The following CYRIA variants were observed in gnomAD, a reference collection of about 807,000 sequenced individuals.
The protein encoded by CYRIA is CYFIP-related Rac1 interactor A.
In CYRIA, 15 loss-of-function variants were observed where a neutral mutation model predicts 43.9. The observed-to-expected ratio is 0.34, with a 90% CI of 0.23 to 0.53. The LOEUF (loss-of-function observed/expected upper bound fraction) is 0.53, where lower values mean the gene tolerates loss of function less well. Ranked by LOEUF, CYRIA falls within the 20% of genes least tolerant of loss-of-function variation. The pLI, the probability that CYRIA is intolerant of heterozygous loss-of-function variation, is 0.94. For missense variants in CYRIA, 236 were observed against 394.2 expected, an observed-to-expected ratio of 0.60 and a Z score of 3.40; for synonymous variants, 117 against 136.0, an observed-to-expected ratio of 0.86 and a Z score of 0.97.
At position 16,629,465 on chromosome 2, in the gene CYRIA, T is replaced by C. The variant is rs190815512; in HGVS notation, c.-166-5446A>G. Among the ~76,000 whole-genome samples, 180 of 152,314 alleles carry C rather than the reference T, an allele frequency of 1.2e-3. 1 individual carries two copies. The highest frequency in any genetic ancestry group is 1.1e-3 in the Non-Finnish European group (77 of 68,014). ...TAACAAACTCTCCCATCAATACAGG[T>C]AAAGTGCAGAGCTAATGAGAAAGCA... On this transcript the variant is annotated intron_variant, in intron 1 of 11. Coordinates refer to ENST00000381323, the MANE Select transcript of CYRIA (RefSeq NM_030797.4).
At chr2:16,633,539 C>A (rs1669393538) in intron 1 of CYRIA, among the ~76,000 whole-genome samples, 1 of 140,562 alleles carries the variant, frequency 7.1e-6, no homozygotes, top group Non-Finnish European at 1.5e-5. Context: ...GTCACTATCC[C>A]TGGCTTTTTT....
intron 1 of CYRIA, among the ~76,000 whole-genome samples, chr2:16,653,610 G>GC (rs57031708): frequency 0.14 from 22,047 of 152,066 alleles, 2,708 homozygotes; most frequent in African/African-American, 0.32. Flanking sequence ...GGGTTAGGGA[G>GC]TTTGTGTGTT....
intron 1 of CYRIA, among the ~76,000 whole-genome samples, chr2:16,644,211 G>T (rs1669755471): frequency 6.6e-6 from 1 of 152,238 alleles, no homozygotes; most frequent in Non-Finnish European, 1.5e-5. Flanking sequence ...TGCAGTATTG[G>T]ATATGTAACA....
At chr2:16,569,731 A>G (rs1667063825) in intron 3 of CYRIA, among the ~76,000 whole-genome samples, 1 of 152,222 alleles carries the variant, frequency 6.6e-6, no homozygotes, top group African/African-American at 2.4e-5. Context: ...CTAAATCCCT[A>G]TGGAAGTCCA....
chr2:16,657,260 G>T (rs1245880806), intron 1 of CYRIA, among the ~76,000 whole-genome samples: 3 of 152,212 alleles, frequency 2.0e-5, no homozygotes, highest in Non-Finnish European at 4.4e-5. Context: ...ACTTCCCCAT[G>T]CTCACTCTTT....
intron 1 of CYRIA, among the ~76,000 whole-genome samples, chr2:16,630,137 C>T (rs1372056277): frequency 6.6e-6 from 1 of 152,170 alleles, no homozygotes; most frequent in Non-Finnish European, 1.5e-5. Context: ...TTCTACCAGC[C>T]CTCGCCCCAC....
intron 3 of CYRIA, among the ~76,000 whole-genome samples, chr2:16,574,858 G>A (rs1667276669): frequency 6.6e-6 from 1 of 152,210 alleles, no homozygotes; most frequent in Non-Finnish European, 1.5e-5. Flanking sequence ...GAAGTGAAAT[G>A]TGGGACGGGT....
At chr2:16,623,182 AAC>A (rs1669054095) in intron 2 of CYRIA, 1 of 152,224 alleles carries the variant, frequency 6.6e-6, no homozygotes, top group African/African-American at 2.4e-5. Context: ...CAGGCAGCTG[AAC>A]GCTTGACCAA....
At chr2:16,578,549 T>G (rs2103441778) in intron 3 of CYRIA, among the ~76,000 whole-genome samples, 1 of 152,306 alleles carries the variant, frequency 6.6e-6, no homozygotes, top group South Asian at 2.1e-4. Context: ...TGAGACTATT[T>G]ATTAGGTTGG....
chr2:16,591,612 G>A lies in CYRIA; in HGVS notation c.-10-3483C>T, dbSNP rs367642586. 7.2e-5 allele frequency among the ~76,000 whole-genome samples: 11 copies of A among 152,186 alleles called. No individual in the cohort carries two copies. In the East Asian group the frequency reaches 1.4e-3, roughly 19 times the overall value. ...TAGCTTGGTTAGGGTGTACTCTGAA[G>A]GGCTGGGAACTCCGGTTTCTACATT... is the stretch of plus-strand genomic sequence containing the variant. On this transcript the variant is annotated intron_variant, in intron 2 of 11. Coordinates refer to ENST00000381323, the MANE Select transcript of CYRIA (RefSeq NM_030797.4).
chr2:16,606,426 T>G (rs1431297411), intron 2 of CYRIA, among the ~76,000 whole-genome samples: 2 of 151,990 alleles, frequency 1.3e-5, no homozygotes, highest in Non-Finnish European at 2.9e-5. Flanking sequence ...ACTCTTATAT[T>G]GGATACTTGA....
chr2:16,552,506 C>A lies in CYRIA; in HGVS notation c.*430G>T, dbSNP rs1666352047. On this transcript the variant is annotated 3_prime_UTR_variant, in exon 12 of 12. Coordinates refer to ENST00000381323, the MANE Select transcript of CYRIA (RefSeq NM_030797.4). ...ACATGCATTTTTCTTGGATTCCTCT[C>A]TTCCTCTGTCAAGATAACAGTTGTG... is the stretch of plus-strand genomic sequence containing the variant. 1 of 154,862 alleles carries A rather than the reference C, an allele frequency of 6.5e-6. No homozygotes were observed. The highest frequency in any genetic ancestry group is 1.4e-5 in the Non-Finnish European group (1 of 69,966). 9.6% of individuals were successfully genotyped at this position (154,862 alleles called of 1,614,324 possible). A position where few individuals can be genotyped will look rare whatever the true frequency, so the allele number is the denominator to read the frequency against.
At chr2:16,648,757 T>C (rs889850519) in intron 1 of CYRIA, among the ~76,000 whole-genome samples, 6 of 152,294 alleles carry the variant, frequency 3.9e-5, no homozygotes, top group African/African-American at 1.4e-4. Flanking sequence ...ATCTACTATA[T>C]ATCAAGAAGA....
chr2:16,664,243 G>A (rs1670335876), intron 1 of CYRIA, among the ~76,000 whole-genome samples: 4 of 152,204 alleles, frequency 2.6e-5, no homozygotes, highest in South Asian at 2.1e-4. Flanking sequence ...TTTCCACCTC[G>A]CTTTCCCACT....
chr2:16,617,191 G>A (rs1334283778), intron 2 of CYRIA, among the ~76,000 whole-genome samples: 1 of 152,186 alleles, frequency 6.6e-6, no homozygotes, highest in African/African-American at 2.4e-5. Context: ...AAAGAGCTGA[G>A]GTAAGAGAAA....
intron 2 of CYRIA, among the ~76,000 whole-genome samples, chr2:16,610,575 T>C (rs1379091566): frequency 6.6e-6 from 1 of 152,094 alleles, no homozygotes; most frequent in Non-Finnish European, 1.5e-5. Flanking sequence ...GGGAGAAGTG[T>C]CCCTGATCCA....
chr2:16,660,119 G>C (rs1333816216), intron 1 of CYRIA, among the ~76,000 whole-genome samples: 1 of 152,084 alleles, frequency 6.6e-6, no homozygotes, highest in East Asian at 1.9e-4. Context: ...AACTAAAACG[G>C]CTAGGTTTTG....
chr2:16,564,238 C>T, intron 4 of CYRIA, 144 bp from the exon 5 acceptor site: 1 of 585,208 alleles, frequency 1.7e-6, no homozygotes, highest in South Asian at 2.3e-5. Context: ...ATCGGATGGT[C>T]CTCCAACATG....
chr2:16,628,782 T>C (rs2103517963), intron 1 of CYRIA, among the ~76,000 whole-genome samples: 1 of 152,298 alleles, frequency 6.6e-6, no homozygotes, highest in Admixed American at 6.5e-5. Context: ...GGGCAATGCC[T>C]TGCTTCCCAA....
Sources: allele counts gnomAD v4.1 joint callset (sites outside exome capture counted in the v4.1 genomes callset), GRCh38; gene constraint gnomAD v4.1.1; transcripts MANE v1.5; gene names NCBI Gene and HGNC (gene_info 2026-07-23, HGNC 2026-07-21).